The following UNC5D variants were observed in gnomAD, a reference collection of about 807,000 sequenced individuals.
The protein encoded by UNC5D is unc-5 netrin receptor D.
Under a neutral mutation model 105.4 loss-of-function variants are expected in UNC5D, and 39 were observed. The observed-to-expected ratio is 0.37, with a 90% CI of 0.29 to 0.48. UNC5D has a LOEUF of 0.48. Among genes scored for constraint, UNC5D ranks in the 20% least tolerant of loss-of-function variants. The pLI, the probability that UNC5D is intolerant of heterozygous loss-of-function variation, is 0.98. For synonymous variants in UNC5D, 452 were observed against 450.4 expected (o/e 1.00, Z -0.04); for missense variants, 991 against 1,202.4 (o/e 0.82, Z 2.60).
rs937369007 is a variant in UNC5D at position 35,237,886 on chromosome 8, T to C, written c.103+1999T>C. On this transcript the variant is annotated intron_variant, in intron 1 of 16. Coordinates refer to ENST00000404895, the MANE Select transcript of UNC5D (RefSeq NM_080872.4). ...CCTGGCTTTGCACAGTTGGGTGTAA[T>C]TGGAGTTTTCAGAATAGAGGGTGTG... 5.3e-5 allele frequency among the ~76,000 whole-genome samples: 8 copies of C among 152,264 alleles called. No individual in the cohort carries two copies. The East Asian group carries it at 1.4e-3, about 26-fold the overall frequency.
chr8:35,540,561 A>G (rs1191802772), intron 1 of UNC5D, among the ~76,000 whole-genome samples: 1 of 152,032 alleles, frequency 6.6e-6, no homozygotes, highest in Non-Finnish European at 1.5e-5. Context: ...AATTACTAAC[A>G]TTGTGTGACC....
At chr8:35,477,773 A>G (rs1810213913) in intron 1 of UNC5D, among the ~76,000 whole-genome samples, 1 of 152,150 alleles carries the variant, frequency 6.6e-6, no homozygotes, top group African/African-American at 2.4e-5. Flanking sequence ...GTAATATTTG[A>G]TACATAGCGC....
In UNC5D at chr8:35,563,606, AT is replaced by A. The variant is rs1228986195; in HGVS notation, c.323-4489del. ...TTTCCTCTCCAAATGGATGCCTTTT[AT>A]TTGTTTCTCTTGCCTGATTGCTCTG... On this transcript the variant is annotated intron_variant, in intron 2 of 16. Coordinates refer to ENST00000404895, the MANE Select transcript of UNC5D (RefSeq NM_080872.4). Among the ~76,000 whole-genome samples the A allele has an allele frequency of 5.3e-5, 8 of 151,974 alleles. No individual in the cohort carries two copies. In the East Asian group the frequency reaches 1.5e-3, roughly 29 times the overall value.
intron 1 of UNC5D, among the ~76,000 whole-genome samples, chr8:35,265,673 G>A (rs1819087): frequency 0.36 from 54,477 of 151,656 alleles, 10,747 homozygotes; most frequent in Non-Finnish European, 0.43. Flanking sequence ...GATCGAGACC[G>A]TCCTAGCTAA....
intron 16 of UNC5D, among the ~76,000 whole-genome samples, chr8:35,788,099 T>C (rs1159290989): frequency 1.3e-5 from 2 of 152,198 alleles, no homozygotes; most frequent in African/African-American, 4.8e-5. Flanking sequence ...TGGAACATAC[T>C]TGTAGTGCTG....
intron 4 of UNC5D, among the ~76,000 whole-genome samples, chr8:35,603,872 C>T (rs2130940404): frequency 6.6e-6 from 1 of 151,978 alleles, no homozygotes; most frequent in East Asian, 1.9e-4. Context: ...CAACCCCTGC[C>T]TTTTTTTGTT....
intron 16 of UNC5D, among the ~76,000 whole-genome samples, chr8:35,785,636 C>G (rs1802709174): frequency 1.3e-5 from 2 of 152,154 alleles, no homozygotes; most frequent in African/African-American, 4.8e-5. Context: ...GCTGGGATTA[C>G]AGGCATAAGC....
At chr8:35,555,656 T>G (rs1287935147) in intron 2 of UNC5D, among the ~76,000 whole-genome samples, 1 of 151,728 alleles carries the variant, frequency 6.6e-6, no homozygotes, top group Non-Finnish European at 1.5e-5. Context: ...TGAAACCCTG[T>G]CTCTACTAAA....
chr8:35,267,508 G>A (rs759758943), intron 1 of UNC5D, among the ~76,000 whole-genome samples: 8 of 151,996 alleles, frequency 5.3e-5, no homozygotes, highest in South Asian at 4.2e-4. Flanking sequence ...GTGCGATCTC[G>A]GCTCACTGCA....
At chr8:35,252,490 T>G (rs1189881823) in intron 1 of UNC5D, among the ~76,000 whole-genome samples, 1 of 152,170 alleles carries the variant, frequency 6.6e-6, no homozygotes, top group Non-Finnish European at 1.5e-5. Flanking sequence ...TGCTTCTTTT[T>G]GAGATATATT....
At chr8:35,481,884 C>T (rs1810505501) in intron 1 of UNC5D, among the ~76,000 whole-genome samples, 1 of 152,014 alleles carries the variant, frequency 6.6e-6, no homozygotes, top group Non-Finnish European at 1.5e-5. Flanking sequence ...TCCCACTCTC[C>T]AACACCCTCT....
intron 4 of UNC5D, among the ~76,000 whole-genome samples, chr8:35,641,378 A>AAAAAAAAAAAAAAAAAAAAC (rs1822717862): frequency 6.7e-6 from 1 of 150,366 alleles, no homozygotes; most frequent in Non-Finnish European, 1.5e-5. Flanking sequence ...AAAAAAAAAA[A>AAAAAAAAAAAAAAAAAAAAC]AAAAAAAGAA....
intron 7 of UNC5D, among the ~76,000 whole-genome samples, chr8:35,688,783 A>G (rs1351307045): frequency 3.3e-5 from 5 of 152,242 alleles, no homozygotes; most frequent in African/African-American, 9.6e-5. Flanking sequence ...CATTTCCACT[A>G]CAGGAAAATA....
intron 1 of UNC5D, among the ~76,000 whole-genome samples, chr8:35,498,092 A>AC (rs1811726801): frequency 9.6e-6 from 1 of 103,710 alleles, no homozygotes; most frequent in Non-Finnish European, 1.8e-5. Flanking sequence ...AACAAAAAAA[A>AC]AAAAAAAAAA....
At chr8:35,566,978 G>GT (rs1817387731) in intron 2 of UNC5D, among the ~76,000 whole-genome samples, 1 of 151,886 alleles carries the variant, frequency 6.6e-6, no homozygotes, top group Admixed American at 6.6e-5. Flanking sequence ...AGAAAGAAAG[G>GT]TTGATAGTCC....
intron 1 of UNC5D, among the ~76,000 whole-genome samples, chr8:35,320,904 G>A (rs1176047347): frequency 6.6e-6 from 1 of 152,086 alleles, no homozygotes; most frequent in Non-Finnish European, 1.5e-5. Context: ...CTAACCAATG[G>A]TATTTCTGTA....
intron 1 of UNC5D, among the ~76,000 whole-genome samples, chr8:35,463,546 T>G (rs1441259186): frequency 6.6e-6 from 1 of 151,858 alleles, no homozygotes; most frequent in Non-Finnish European, 1.5e-5. Context: ...ATAATACTAT[T>G]GTTTGAATTA....
intron 3 of UNC5D, among the ~76,000 whole-genome samples, chr8:35,586,282 A>C (rs1818787513): frequency 6.6e-6 from 1 of 152,188 alleles, no homozygotes; most frequent in Non-Finnish European, 1.5e-5. Flanking sequence ...AAAGAAAAGA[A>C]ATGTGCATAA....
At chr8:35,544,681 C>A in intron 1 of UNC5D, 2 of 1,063,562 alleles carry the variant, frequency 1.9e-6, no homozygotes, top group Non-Finnish European at 2.6e-6. Flanking sequence ...CGGCTCACGG[C>A]AACCTCTGCC....
Sources: gnomAD v4.1 joint callset for allele counts (sites outside exome capture counted in the v4.1 genomes callset) on GRCh38, gnomAD v4.1.1 for gene constraint, MANE v1.5 for transcripts, NCBI Gene and HGNC (gene_info 2026-07-23, HGNC 2026-07-21) for gene names.